The following SNTA1 variants were observed in gnomAD, a reference collection of about 807,000 sequenced individuals.
SNTA1 encodes alpha-1-syntrophin.
In SNTA1, 31 loss-of-function variants were observed where a neutral mutation model predicts 47.1. The observed-to-expected ratio is 0.66, with a 90% CI of 0.49 to 0.89. SNTA1 has a LOEUF of 0.89. SNTA1 is among the 40% of genes least tolerant of loss of function. The pLI is 0.00. For missense variants in SNTA1, 575 were observed against 693.0 expected (o/e 0.83, Z 1.91); for synonymous variants, 300 against 313.6 (o/e 0.96, Z 0.46).
At chr20:33,411,148 T>C (rs1015767067) in intron 5 of SNTA1, among the ~76,000 whole-genome samples, 4 of 151,772 alleles carry the variant, frequency 2.6e-5, no homozygotes, top group Non-Finnish European at 4.4e-5. Flanking sequence ...ACCCACTCTT[T>C]CTCCTATAGC....
intron 2 of SNTA1, among the ~76,000 whole-genome samples, chr20:33,429,417 C>T (rs983569071): frequency 6.8e-6 from 1 of 147,064 alleles, no homozygotes; most frequent in African/African-American, 2.5e-5. Flanking sequence ...TTTGGGAGTC[C>T]GAGGCAGGTG....
At chr20:33,440,081 C>T (rs111562083) in intron 1 of SNTA1, among the ~76,000 whole-genome samples, 2,492 of 151,482 alleles carry the variant, frequency 0.016, 60 homozygotes, top group African/African-American at 0.056. Flanking sequence ...GCTGAGATCA[C>T]GCCATTGCTC....
At chr20:33,423,769 C>A (rs1202284957) in intron 2 of SNTA1, among the ~76,000 whole-genome samples, 1 of 152,222 alleles carries the variant, frequency 6.6e-6, no homozygotes. Context: ...GCAACAGGAT[C>A]TCCAGTACTT....
rs1164892695 is a variant in SNTA1 at position 33,443,349 on chromosome 20, C to A, written c.272G>T (p.Arg91Leu). 5 of 1,476,072 alleles carry A rather than the reference C, an allele frequency of 3.4e-6. No individual in the cohort carries two copies. The highest frequency in any genetic ancestry group is 2.6e-5 in the South Asian group (2 of 78,300). The allele number at this position is 1,476,072 out of a possible 1,614,324, so 91.4% of individuals were successfully genotyped here. A position where few individuals can be genotyped will look rare whatever the true frequency, so the allele number is the denominator to read the frequency against. ...GCCCAGCCCACCGGCGTCGGCCTTG[C>A]GCACCGTCACGCGGCGCCGCTGGAG... ...LLLQRRRVTV[R>L]KADAGGLGIS... Residue 91 changes from arginine to leucine, a missense_variant, in exon 1 of 8, where the codon CGC becomes CTC. Arg to Leu is a moderately radical substitution (Grantham distance 102). Coordinates refer to ENST00000217381, the MANE Select transcript of SNTA1 (RefSeq NM_003098.3).
At chr20:33,410,464 G>C in intron 5 of SNTA1, 133 bp from the exon 6 acceptor site, 1 of 639,228 alleles carries the variant, frequency 1.6e-6, no homozygotes, top group Non-Finnish European at 2.8e-6. Flanking sequence ...CTTGCCAGGG[G>C]GCACTGATTG....
At chr20:33,426,451 CAAAA>C (rs768700017) in intron 2 of SNTA1, among the ~76,000 whole-genome samples, 3 of 78,376 alleles carry the variant, frequency 3.8e-5, no homozygotes, top group Admixed American at 1.5e-4. Context: ...ACTCCTTCTC[CAAAA>C]AAAAAAAAAA....
chr20:33,408,279 GA>G lies in SNTA1; in HGVS notation c.*227del. 1.7e-6 allele frequency: 1 copy of G among 588,292 alleles called. No individual in the cohort carries two copies. Among genetic ancestry groups the G allele is most frequent in the South Asian group, 1.9e-5 (1 of 52,462 alleles). 36.4% of individuals were successfully genotyped at this position (588,292 alleles called of 1,614,324 possible). On this transcript the variant is annotated 3_prime_UTR_variant, in exon 8 of 8. Coordinates refer to ENST00000217381, the MANE Select transcript of SNTA1 (RefSeq NM_003098.3). ...TATCTCTCTGCAAAAGGCACTGGTG[GA>G]GGGGGGCAGCAGGAAGGCCACCCCA...
intron 2 of SNTA1, among the ~76,000 whole-genome samples, chr20:33,437,683 A>G (rs1006705537): frequency 6.6e-6 from 1 of 152,092 alleles, no homozygotes; most frequent in African/African-American, 2.4e-5. Flanking sequence ...ATTCTCCATC[A>G]GCCCCCGCCA....
intron 1 of SNTA1, among the ~76,000 whole-genome samples, chr20:33,439,483 C>T (rs767494406): frequency 2.0e-5 from 3 of 151,972 alleles, no homozygotes; most frequent in Non-Finnish European, 4.4e-5. Context: ...CAGAAGGAGA[C>T]CCTGTCTCAA....
In SNTA1 at chr20:33,412,743, G is replaced by A; in HGVS notation, c.741C>T (p.Leu247=). 1 of 1,613,272 alleles carries A rather than the reference G, an allele frequency of 6.2e-7. No individual in the cohort carries two copies. Among genetic ancestry groups the A allele is most frequent in the Non-Finnish European group, 8.5e-7 (1 of 1,179,888 alleles). Residue 247 remains leucine (L), a synonymous_variant, in exon 4 of 8, where the codon CTC becomes CTT. Coordinates refer to ENST00000217381, the MANE Select transcript of SNTA1 (RefSeq NM_003098.3). ...EICSADGQDT[L]FLRAKDEASA... is the part of the protein sequence containing the mutation. Reference sequence around the variant, plus strand: ...TAGCCTCATCCTTGGCCCTCAGGAAGAGGGTGTCTTGACCATCTGCCGAGC... The same window carrying A: ...TAGCCTCATCCTTGGCCCTCAGGAAAAGGGTGTCTTGACCATCTGCCGAGC...
chr20:33,419,847 G>A (rs1224656067), intron 2 of SNTA1, among the ~76,000 whole-genome samples: 1 of 152,130 alleles, frequency 6.6e-6, no homozygotes, highest in Non-Finnish European at 1.5e-5. Flanking sequence ...AAAAAACACT[G>A]CCTTCCTTTT....
intron 2 of SNTA1, among the ~76,000 whole-genome samples, chr20:33,430,897 C>T (rs1428839323): frequency 1.3e-5 from 2 of 150,928 alleles, no homozygotes; most frequent in Admixed American, 6.6e-5. Context: ...TGCAGTGAGC[C>T]GAGATCGTGC....
At chr20:33,421,957 CAAAAAAA>C (rs34754645) in intron 2 of SNTA1, among the ~76,000 whole-genome samples, 2 of 70,044 alleles carry the variant, frequency 2.9e-5, no homozygotes, top group Non-Finnish European at 5.2e-5. Flanking sequence ...ACCCTGTCTC[CAAAAAAA>C]AAAAAAAAAA....
At chr20:33,410,451 G>A in intron 5 of SNTA1, 120 bp from the exon 6 acceptor site, 1 of 666,828 alleles carries the variant, frequency 1.5e-6, no homozygotes, top group South Asian at 1.8e-5. Context: ...TAACAGGACA[G>A]GACTTGCCAG....
chr20:33,421,842 A>C (rs1428996435), intron 2 of SNTA1, among the ~76,000 whole-genome samples: 1 of 150,386 alleles, frequency 6.6e-6, no homozygotes, highest in Admixed American at 6.7e-5. Flanking sequence ...CTGTAGTCCC[A>C]GCTACTCGGG....
chr20:33,443,068 G>A (rs1354073613), intron 1 of SNTA1, among the ~76,000 whole-genome samples: 4 of 143,546 alleles, frequency 2.8e-5, no homozygotes, highest in Admixed American at 7.1e-5. Context: ...TCCCACCCAC[G>A]TGTCCTTGGT....
intron 2 of SNTA1, among the ~76,000 whole-genome samples, chr20:33,431,714 A>G (rs1430304196): frequency 6.6e-6 from 1 of 152,030 alleles, no homozygotes; most frequent in Non-Finnish European, 1.5e-5. Context: ...GTGCCACTGT[A>G]CTCCAGCCTG....
Position 33,437,029 on chromosome 20 carries a change from C to A in SNTA1, c.496+1812G>T, listed in dbSNP as rs538924398. ...CCTGTAATCCCAGCACTTTTGGAGG[C>A]TGAGGCAGGTGGATCACAAGCTCAG... On this transcript the variant is annotated intron_variant, in intron 2 of 7. Coordinates refer to ENST00000217381, the MANE Select transcript of SNTA1 (RefSeq NM_003098.3). Among the ~76,000 whole-genome samples the A allele has an allele frequency of 2.0e-5, 3 of 146,894 alleles. No individual in the cohort carries two copies. In the Admixed American group the frequency reaches 2.1e-4, roughly 10 times the overall value.
At chr20:33,431,363 G>A (rs1990303070) in intron 2 of SNTA1, among the ~76,000 whole-genome samples, 1 of 152,164 alleles carries the variant, frequency 6.6e-6, no homozygotes, top group African/African-American at 2.4e-5. Context: ...CCTTGGGCAA[G>A]TAATGTCACC....
Sources: gnomAD v4.1 joint callset for allele counts (sites outside exome capture counted in the v4.1 genomes callset) on GRCh38, gnomAD v4.1.1 for gene constraint, MANE v1.5 for transcripts, NCBI Gene and HGNC (gene_info 2026-07-23, HGNC 2026-07-21) for gene names.